Variants in USH2A observed in about 807,000 individuals in gnomAD.
USH2A encodes Usher syndrome 2A (autosomal recessive, mild).
USH2A carries 443 observed loss-of-function variants against 538.9 expected under a neutral mutation model. The ratio of observed to expected loss-of-function variants is 0.82; its 90% CI spans 0.76 to 0.89. The LOEUF is 0.89. Ranked by LOEUF, USH2A falls within the 40% of genes least tolerant of loss-of-function variation. The pLI is 0.00. For missense variants in USH2A, 6,633 were observed against 6,324.8 expected (o/e 1.05, Z -1.65); for synonymous variants, 2,413 against 2,273.5 (o/e 1.06, Z -1.75).
intron 62 of USH2A, among the ~76,000 whole-genome samples, chr1:215,678,707 C>T (rs1658116919): frequency 6.6e-6 from 1 of 151,804 alleles, no homozygotes; most frequent in African/African-American, 2.4e-5. Context: ...CACATTTATT[C>T]ACACAGACAC....
intron 11 of USH2A, among the ~76,000 whole-genome samples, chr1:216,252,867 T>C (rs2036189978): frequency 6.6e-6 from 1 of 152,160 alleles, no homozygotes; most frequent in Non-Finnish European, 1.5e-5. Flanking sequence ...CATATAGGCA[T>C]ACCATGAAAA....
At chr1:215,835,809 T>TATTA (rs1663463171) in intron 47 of USH2A, among the ~76,000 whole-genome samples, 1 of 152,216 alleles carries the variant, frequency 6.6e-6, no homozygotes, top group Admixed American at 6.5e-5. Context: ...TTCTCCACTG[T>TATTA]ATTAAATCAT....
chr1:216,015,332 T>C (rs1015423439), intron 32 of USH2A, among the ~76,000 whole-genome samples: 3 of 152,156 alleles, frequency 2.0e-5, no homozygotes, highest in African/African-American at 7.2e-5. Flanking sequence ...CAGGTTGCAT[T>C]CATCTCTGCC....
Position 215,674,472 on chromosome 1 carries a change from C to T in USH2A, c.13439G>A (p.Arg4480Lys). The change falls in exon 63 of 72, where the codon AGG becomes AAG. Residue 4480 changes from arginine (R) to lysine (K), a missense_variant. Arg to Lys is a conservative substitution (Grantham distance 26). Transcript: ENST00000307340. ...PNGQIRSYEL[R>K]RDGTIVYTGL... ...TGTATATACAATGGTTCCATCCCTC[C>T]TAAGTTCATAACTTCTGATCTGGCC... 1.2e-6 allele frequency: 2 copies of T among 1,614,170 alleles called. No homozygotes were observed. The highest frequency in any genetic ancestry group is 1.7e-6 in the Non-Finnish European group (2 of 1,180,026).
At chr1:216,364,141 G>A (rs886440146) in intron 4 of USH2A, among the ~76,000 whole-genome samples, 4 of 151,166 alleles carry the variant, frequency 2.6e-5, no homozygotes, top group African/African-American at 7.3e-5. Flanking sequence ...TCAACTTCTG[G>A]TTTTATTCAA....
intron 2 of USH2A, 140 bp downstream of exon 2, chr1:216,421,712 G>C: frequency 7.4e-7 from 1 of 1,344,244 alleles, no homozygotes; most frequent in Non-Finnish European, 1.0e-6. Context: ...TTTTAATTGG[G>C]GAAACAACTG....
chr1:216,056,647 G>C (rs542304986), intron 30 of USH2A, among the ~76,000 whole-genome samples: 5 of 152,252 alleles, frequency 3.3e-5, no homozygotes, highest in African/African-American at 1.2e-4. Context: ...TGTGTTAAGA[G>C]GTTCAAATTT....
chr1:215,751,937 A>G (rs964396613), intron 58 of USH2A, among the ~76,000 whole-genome samples: 1 of 152,198 alleles, frequency 6.6e-6, no homozygotes, highest in Non-Finnish European at 1.5e-5. Flanking sequence ...ACAACTAAAT[A>G]GTGAAGCCCA....
intron 4 of USH2A, among the ~76,000 whole-genome samples, chr1:216,358,281 T>A (rs970992356): frequency 2.0e-5 from 3 of 152,130 alleles, no homozygotes; most frequent in Non-Finnish European, 4.4e-5. Context: ...AAAAGATCCA[T>A]CTTGATCTGC....
In USH2A at chr1:216,246,857, G is replaced by A. The variant is rs1341016463; in HGVS notation, c.2537C>T (p.Pro846Leu). The A allele has an allele frequency of 1.9e-6, 3 of 1,614,024 alleles. No homozygotes were observed. Among genetic ancestry groups the A allele is most frequent in the Non-Finnish European group, 2.5e-6 (3 of 1,179,980 alleles). The change falls in exon 13 of 72, where the codon CCT becomes CTT. Residue 846 changes from proline to leucine, a missense_variant. By Grantham distance (98) the Pro-to-Leu change is moderately conservative. Transcript: ENST00000307340. ...TGTCCCAGTCTTATCACAGTTGCAAGGCAGACAGAGGAAAGAATTATTTTG... is the reference window on the plus strand; with the variant it reads ...TGTCCCAGTCTTATCACAGTTGCAAAGCAGACAGAGGAAAGAATTATTTTG... ...LRQNNSFLCL[P>L]CNCDKTGTIN...
At chr1:215,938,135 G>A (rs1666553349) in intron 37 of USH2A, among the ~76,000 whole-genome samples, 1 of 152,020 alleles carries the variant, frequency 6.6e-6, no homozygotes, top group South Asian at 2.1e-4. Flanking sequence ...TGAGAAGTAT[G>A]CAATTACATA....
intron 3 of USH2A, among the ~76,000 whole-genome samples, chr1:216,387,932 G>A (rs901670265): frequency 5.3e-5 from 8 of 152,038 alleles, no homozygotes; most frequent in Admixed American, 1.3e-4. Context: ...GTTGAATAGC[G>A]TCAGGCTCTC....
In USH2A at chr1:215,888,923, A is replaced by C; in HGVS notation, c.7726T>G (p.Leu2576Val). ...TTAGTGACATTTCCAGGAGTTCTCAAGTATAGACGGCCATGTAGATAAATG... is the reference window on the plus strand; with the variant it reads ...TTAGTGACATTTCCAGGAGTTCTCACGTATAGACGGCCATGTAGATAAATG... ...YNIYLHGRLYLRTPGNVTNCT... is the reference protein window; with the variant it reads ...YNIYLHGRLYVRTPGNVTNCT... The change falls in exon 41 of 72, where the codon TTG becomes GTG. Residue 2576 changes from leucine to valine, a missense_variant. Physicochemically the swap from Leu to Val is conservative, Grantham distance 32. Coordinates refer to ENST00000307340, the MANE Select transcript of USH2A (RefSeq NM_206933.4). 6.2e-7 allele frequency: 1 copy of C among 1,614,166 alleles called. No individual in the cohort carries two copies.
intron 43 of USH2A, among the ~76,000 whole-genome samples, chr1:215,872,468 G>T (rs1042404240): frequency 3.0e-4 from 45 of 152,126 alleles, no homozygotes; most frequent in Admixed American, 2.8e-3. Context: ...TACCAGAATT[G>T]TCAGACCTAA....
chr1:215,878,167 CT>C (rs1664823091), intron 42 of USH2A, among the ~76,000 whole-genome samples: 1 of 152,118 alleles, frequency 6.6e-6, no homozygotes, highest in African/African-American at 2.4e-5. Context: ...CAAATCTTTA[CT>C]GCCAGTTTCG....
intron 58 of USH2A, among the ~76,000 whole-genome samples, chr1:215,750,367 T>G (rs1660588256): frequency 6.6e-6 from 1 of 152,270 alleles, no homozygotes; most frequent in East Asian, 1.9e-4. Flanking sequence ...AGAGGGACAG[T>G]GTCTCATTCC....
At chr1:215,936,271 A>G (rs1666494209) in intron 37 of USH2A, among the ~76,000 whole-genome samples, 1 of 152,100 alleles carries the variant, frequency 6.6e-6, no homozygotes, top group Non-Finnish European at 1.5e-5. Context: ...AGATGGCATC[A>G]TACTAAAAGT....
chr1:216,338,450 C>T (rs2038016558), intron 4 of USH2A, among the ~76,000 whole-genome samples: 1 of 151,194 alleles, frequency 6.6e-6, no homozygotes, highest in Admixed American at 6.6e-5. Flanking sequence ...ACACATTATA[C>T]AAAAATTAAT....
At chr1:215,925,642 C>A (rs1276827521) in intron 38 of USH2A, among the ~76,000 whole-genome samples, 2 of 152,114 alleles carry the variant, frequency 1.3e-5, no homozygotes, top group Non-Finnish European at 2.9e-5. Flanking sequence ...TTTCCTTCTA[C>A]CCTCTGAATA....
Sources: allele counts gnomAD v4.1 joint callset (sites outside exome capture counted in the v4.1 genomes callset), GRCh38; gene constraint gnomAD v4.1.1; transcripts MANE v1.5; gene names NCBI Gene and HGNC (gene_info 2026-07-23, HGNC 2026-07-21).